The following ADAMTS19 variants were observed in gnomAD, a reference collection of about 807,000 sequenced individuals.
ADAMTS19 encodes the protein A disintegrin and metalloproteinase with thrombospondin motifs 19.
In ADAMTS19, 93 loss-of-function variants were observed where a neutral mutation model predicts 153.3. The ratio of observed to expected loss-of-function variants is 0.61; its 90% CI spans 0.51 to 0.72. The LOEUF (loss-of-function observed/expected upper bound fraction) is 0.72, where lower values mean the gene tolerates loss of function less well. Ranked by LOEUF, ADAMTS19 falls within the 30% of genes least tolerant of loss-of-function variation. The probability of loss-of-function intolerance (pLI) is 0.00; values close to 1 mark genes in which losing one functional copy is unlikely to be tolerated. For synonymous variants in ADAMTS19, 600 were observed against 556.6 expected (o/e 1.08, Z -1.10); for missense variants, 1,482 against 1,552.1 (o/e 0.95, Z 0.76).
intron 2 of ADAMTS19, among the ~76,000 whole-genome samples, chr5:129,490,055 C>T (rs1279758700): frequency 2.6e-5 from 4 of 152,012 alleles, no homozygotes; most frequent in African/African-American, 9.7e-5. Context: ...TAATATTGTA[C>T]TCATGGGCAA....
intron 21 of ADAMTS19, among the ~76,000 whole-genome samples, chr5:129,720,636 A>G (rs1756959681): frequency 6.6e-6 from 1 of 152,214 alleles, no homozygotes; most frequent in Admixed American, 6.5e-5. Context: ...GCAACAGTGT[A>G]AGACTTCAAA....
chr5:129,516,597 G>A (rs1271542682), intron 3 of ADAMTS19, among the ~76,000 whole-genome samples: 5 of 151,484 alleles, frequency 3.3e-5, no homozygotes, highest in African/African-American at 4.8e-5. Context: ...GTTGCTTATC[G>A]TGGCTACTAA....
intron 13 of ADAMTS19, among the ~76,000 whole-genome samples, chr5:129,651,917 G>A (rs1045992784): frequency 1.3e-5 from 2 of 151,886 alleles, no homozygotes; most frequent in Non-Finnish European, 1.5e-5. Flanking sequence ...TTATTTGAAT[G>A]TTAATCCTGT....
At chr5:129,572,180 G>GT (rs1423565824) in intron 7 of ADAMTS19, among the ~76,000 whole-genome samples, 4 of 151,848 alleles carry the variant, frequency 2.6e-5, no homozygotes, top group Admixed American at 2.6e-4. Flanking sequence ...ACTTTGTTCT[G>GT]TTAAGGGATT....
In ADAMTS19 at chr5:129,636,655, T is replaced by C. The variant is rs1184601779; in HGVS notation, c.1771-5204T>C. On this transcript the variant is annotated intron_variant, in intron 10 of 22. Coordinates refer to ENST00000274487, the MANE Select transcript of ADAMTS19 (RefSeq NM_133638.6). ...GGTGAAAGAGAGAATGTCAAACTTA[T>C]TCAGTGGACAGTGGTCAAATCTCCT... 5.9e-5 allele frequency among the ~76,000 whole-genome samples: 9 copies of C among 152,290 alleles called. No homozygotes were observed. In the South Asian group the frequency reaches 1.7e-3, roughly 28 times the overall value.
At chr5:129,628,006 G>T (rs1752129627) in intron 10 of ADAMTS19, among the ~76,000 whole-genome samples, 1 of 152,064 alleles carries the variant, frequency 6.6e-6, no homozygotes, top group African/African-American at 2.4e-5. Context: ...GCATGTGGAT[G>T]TTCACTGCAG....
intron 21 of ADAMTS19, among the ~76,000 whole-genome samples, chr5:129,710,085 G>A (rs1208114384): frequency 6.6e-6 from 1 of 151,884 alleles, no homozygotes; most frequent in Non-Finnish European, 1.5e-5. Context: ...TAGGTATTAA[G>A]CCCTGCATGT....
At chr5:129,608,258 A>T (rs1007172211) in intron 8 of ADAMTS19, among the ~76,000 whole-genome samples, 5 of 151,466 alleles carry the variant, frequency 3.3e-5, no homozygotes, top group Non-Finnish European at 7.4e-5. Context: ...CAAATATTGC[A>T]TGATCTTATT....
chr5:129,664,785 A>C (rs1753966167), intron 15 of ADAMTS19, among the ~76,000 whole-genome samples: 1 of 152,128 alleles, frequency 6.6e-6, no homozygotes, highest in African/African-American at 2.4e-5. Context: ...CACTAAGTGA[A>C]ACTTGAGTCT....
chr5:129,536,430 G>A (rs1489648419), intron 6 of ADAMTS19, among the ~76,000 whole-genome samples: 1 of 152,196 alleles, frequency 6.6e-6, no homozygotes, highest in African/African-American at 2.4e-5. Flanking sequence ...TGGAGAGGAT[G>A]TGGAGAAATA....
chr5:129,673,132 C>G (rs2127100283), intron 16 of ADAMTS19, among the ~76,000 whole-genome samples: 1 of 152,152 alleles, frequency 6.6e-6, no homozygotes, highest in African/African-American at 2.4e-5. Context: ...ATAACCAACT[C>G]TTGGTGTTAA....
intron 6 of ADAMTS19, among the ~76,000 whole-genome samples, chr5:129,534,044 T>C (rs1752315042): frequency 6.6e-6 from 1 of 152,116 alleles, no homozygotes; most frequent in Non-Finnish European, 1.5e-5. Context: ...ACAGGTGTGG[T>C]GTGGTGCTGA....
chr5:129,505,236 G>T (rs1751233418), intron 2 of ADAMTS19, among the ~76,000 whole-genome samples: 1 of 152,090 alleles, frequency 6.6e-6, no homozygotes, highest in South Asian at 2.1e-4. Flanking sequence ...AAATGAGCAT[G>T]GAAGAATGAA....
At position 129,622,843 on chromosome 5, in the gene ADAMTS19, A is replaced by G. The variant is rs183984874; in HGVS notation, c.1770+495A>G. 2.3e-3 allele frequency among the ~76,000 whole-genome samples: 354 copies of G among 152,272 alleles called. 3 individuals carry two copies. The highest frequency in any genetic ancestry group is 9.4e-4 in the Non-Finnish European group (64 of 68,028). On this transcript the variant is annotated intron_variant, in intron 10 of 22. Transcript: ENST00000274487. ...CAGAACTTGATACATTGTAAATGCT[A>G]TGTAATTATTATACTATGTTATTTT...
intron 8 of ADAMTS19, among the ~76,000 whole-genome samples, chr5:129,611,117 C>T (rs1165945892): frequency 6.6e-6 from 1 of 152,146 alleles, no homozygotes; most frequent in East Asian, 1.9e-4. Flanking sequence ...TATCCTTCAC[C>T]CACTGGTTGA....
intron 17 of ADAMTS19, among the ~76,000 whole-genome samples, chr5:129,682,967 A>T (rs1561646882): frequency 6.6e-6 from 1 of 152,096 alleles, no homozygotes; most frequent in Non-Finnish European, 1.5e-5. Flanking sequence ...TTTCCTATGG[A>T]ATGTTAACTC....
chr5:129,488,193 T>C (rs73787520), intron 2 of ADAMTS19, among the ~76,000 whole-genome samples: 1,995 of 152,186 alleles, frequency 0.013, 41 homozygotes, highest in African/African-American at 0.045. Flanking sequence ...CTTTGTGAGA[T>C]AGAACAAGAA....
chr5:129,638,419 C>T (rs30690), intron 10 of ADAMTS19, among the ~76,000 whole-genome samples: 25,024 of 151,952 alleles, frequency 0.16, 2,323 homozygotes, highest in East Asian at 0.31. Context: ...TTTATGCCCT[C>T]ATTTGTTATT....
chr5:129,639,845 G>C (rs1389096105), intron 10 of ADAMTS19, among the ~76,000 whole-genome samples: 1 of 152,110 alleles, frequency 6.6e-6, no homozygotes, highest in Non-Finnish European at 1.5e-5. Flanking sequence ...AAAGTTCCTA[G>C]ATGGGTGAAA....
Sources: gnomAD v4.1 joint callset for allele counts (sites outside exome capture counted in the v4.1 genomes callset) on GRCh38, gnomAD v4.1.1 for gene constraint, MANE v1.5 for transcripts, NCBI Gene and HGNC (gene_info 2026-07-23, HGNC 2026-07-21) for gene names.